The following SAMD5 variants were observed in gnomAD, a reference collection of about 807,000 sequenced individuals.
The protein encoded by SAMD5 is sterile alpha motif domain containing 5.
SAMD5 carries 13 observed loss-of-function variants against 11.3 expected under a neutral mutation model. The ratio of observed to expected loss-of-function variants is 1.15; its 90% confidence interval spans 0.75 to 1.83. The LOEUF is 1.83. Among genes scored for constraint, SAMD5 ranks in the 40% most tolerant of loss-of-function variants. The pLI, the probability that SAMD5 is intolerant of heterozygous loss-of-function variation, is 0.00. For missense variants in SAMD5, 255 were observed against 239.1 expected (o/e 1.07, Z -0.44); for synonymous variants, 129 against 111.3 (o/e 1.16, Z -1.00).
intron 1 of SAMD5, among the ~76,000 whole-genome samples, chr6:147,734,634 A>AC (rs1458153395): frequency 7.1e-6 from 1 of 140,244 alleles, no homozygotes; most frequent in East Asian, 2.2e-4. Flanking sequence ...AATGGCGTGA[A>AC]CCCGGGAGGT....
At chr6:147,708,958 T>C (rs956501480) in intron 1 of SAMD5, among the ~76,000 whole-genome samples, 2 of 152,224 alleles carry the variant, frequency 1.3e-5, no homozygotes, top group Non-Finnish European at 1.5e-5. Flanking sequence ...CAAGCCCAAA[T>C]AATTTTAAAA....
the SAMD5 span, among the ~76,000 whole-genome samples, chr6:147,791,260 A>G: frequency 6.6e-6 from 1 of 152,076 alleles, no homozygotes; most frequent in Admixed American, 6.6e-5. Context: ...TGTGCACTCC[A>G]GCCTAGGCAA....
the SAMD5 span, among the ~76,000 whole-genome samples, chr6:147,816,771 A>G: frequency 7.9e-5 from 12 of 152,320 alleles, no homozygotes; most frequent in Admixed American, 7.2e-4. Context: ...CTAGAGGACC[A>G]TCTCCTAAGA....
chr6:147,809,929 G>A, the SAMD5 span, among the ~76,000 whole-genome samples: 1 of 152,168 alleles, frequency 6.6e-6, no homozygotes, highest in African/African-American at 2.4e-5. Context: ...ACCAGTGGAT[G>A]CATTTCATCT....
At chr6:147,891,886 C>T in the SAMD5 span, among the ~76,000 whole-genome samples, 2 of 152,102 alleles carry the variant, frequency 1.3e-5, no homozygotes, top group African/African-American at 4.8e-5. Context: ...GCTGAGTTTC[C>T]GTAAGGTCCT....
the SAMD5 span, among the ~76,000 whole-genome samples, chr6:147,829,081 A>T: frequency 6.6e-6 from 1 of 152,254 alleles, no homozygotes; most frequent in Non-Finnish European, 1.5e-5. Context: ...TGTTATTGCA[A>T]GGGAACCAAC....
At chr6:147,642,105 C>T (rs978471703) in intron 1 of SAMD5, among the ~76,000 whole-genome samples, 16 of 152,176 alleles carry the variant, frequency 1.1e-4, no homozygotes, top group African/African-American at 3.9e-4. Context: ...GTTATACACA[C>T]ATTACAAAAC....
intron 1 of SAMD5, among the ~76,000 whole-genome samples, chr6:147,607,830 C>A (rs565689123): frequency 1.3e-5 from 2 of 152,142 alleles, no homozygotes; most frequent in South Asian, 2.1e-4. Flanking sequence ...ATGCAGTCAA[C>A]AAAGTGAAAA....
At position 147,567,095 on chromosome 6, in the gene SAMD5, G is replaced by A. The variant is rs533945721; in HGVS notation, c.*2639G>A. On this transcript the variant is annotated 3_prime_UTR_variant, in exon 2 of 2. Transcript: ENST00000367474. ...TTGATAATATTGAGGAGTCTGGAGGGTCATAGCAAAATTTTCTTTAGTTCA... is the reference window on the plus strand; with the variant it reads ...TTGATAATATTGAGGAGTCTGGAGGATCATAGCAAAATTTTCTTTAGTTCA... 1.5e-4 allele frequency: 146 copies of A among 979,800 alleles called. No homozygotes were observed. In the East Asian group the frequency reaches 7.3e-3, roughly 49 times the overall value. 60.7% of individuals were successfully genotyped at this position (979,800 alleles called of 1,614,324 possible).
the SAMD5 span, among the ~76,000 whole-genome samples, chr6:147,801,571 A>G: frequency 2.4e-4 from 37 of 152,162 alleles, no homozygotes; most frequent in Non-Finnish European, 4.7e-4. Flanking sequence ...CCAGTGTGGA[A>G]GTTGTTTTCA....
the SAMD5 span, among the ~76,000 whole-genome samples, chr6:147,934,709 A>C: frequency 6.6e-6 from 1 of 152,124 alleles, no homozygotes; most frequent in African/African-American, 2.4e-5. Context: ...GATTCTGCCT[A>C]TACTAAGGTC....
chr6:147,836,344 C>A, the SAMD5 span, among the ~76,000 whole-genome samples: 2 of 152,186 alleles, frequency 1.3e-5, no homozygotes, highest in Admixed American at 1.3e-4. Context: ...TACATTAAGA[C>A]ATATGCCAAT....
chr6:147,620,965 T>TGTGTGG (rs1789951927), intron 1 of SAMD5, among the ~76,000 whole-genome samples: 1 of 79,614 alleles, frequency 1.3e-5, no homozygotes, highest in African/African-American at 3.2e-5. Context: ...TGTGCCTCTG[T>TGTGTGG]GTGTGTGTGT....
chr6:147,626,425 G>A (rs1252102060), intron 1 of SAMD5, among the ~76,000 whole-genome samples: 4 of 150,102 alleles, frequency 2.7e-5, no homozygotes, highest in Non-Finnish European at 5.9e-5. Context: ...AGAGTTTACT[G>A]GACATTTTCT....
At chr6:147,928,912 A>C in the SAMD5 span, among the ~76,000 whole-genome samples, 1 of 150,794 alleles carries the variant, frequency 6.6e-6, no homozygotes, top group East Asian at 1.9e-4. Flanking sequence ...CCTTAATTTC[A>C]TTATTTACCC....
chr6:147,558,170 A>C (rs1788887718), intron 1 of SAMD5, among the ~76,000 whole-genome samples: 1 of 152,194 alleles, frequency 6.6e-6, no homozygotes, highest in African/African-American at 2.4e-5. Flanking sequence ...TGGTGATTTC[A>C]AAGACAATTA....
chr6:147,747,697 A>G, the SAMD5 span, among the ~76,000 whole-genome samples: 3 of 152,080 alleles, frequency 2.0e-5, no homozygotes, highest in Admixed American at 6.6e-5. Flanking sequence ...TATTTTTAGT[A>G]GAGACTGGGT....
Position 147,569,219 on chromosome 6 carries a change from T to TA in SAMD5, c.*4779dup, listed in dbSNP as rs71552979. ...CTGGGCAACAGAGTGAGACTCTGTC[T>TA]AAAAAAAAAAAAAAAAGAAAAGAAA... On this transcript the variant is annotated 3_prime_UTR_variant, in exon 2 of 2. Transcript: ENST00000367474. The TA allele has an allele frequency of 0.15, 32,886 of 214,716 alleles. 1,087 individuals are homozygous for TA. Among genetic ancestry groups the TA allele is most frequent in the East Asian group, 0.36 (1,670 of 4,626 alleles). The allele number at this position is 214,716 out of a possible 1,614,324, so 13.3% of individuals were successfully genotyped here.
chr6:147,811,325 T>C, the SAMD5 span, among the ~76,000 whole-genome samples: 1 of 152,122 alleles, frequency 6.6e-6, no homozygotes, highest in Admixed American at 6.6e-5. Flanking sequence ...GGGGAGCTCA[T>C]AAAATAGGAA....
Sources: gnomAD v4.1 joint callset for allele counts (sites outside exome capture counted in the v4.1 genomes callset) on GRCh38, gnomAD v4.1.1 for gene constraint, MANE v1.5 for transcripts, NCBI Gene and HGNC (gene_info 2026-07-23, HGNC 2026-07-21) for gene names.